The following CLPSL1 variants were observed in gnomAD, a reference collection of about 807,000 sequenced individuals.
The protein encoded by CLPSL1 is colipase like 1, also known as colipase-like protein 1.
A neutral mutation model predicts 9.3 loss-of-function variants in CLPSL1; 13 were observed. That is an observed-to-expected ratio of 1.40 (90% CI 0.91 to 2.22). The LOEUF is 2.22. Ranked by LOEUF, CLPSL1 falls within the 30% of genes most tolerant of loss-of-function variation. CLPSL1 has a pLI of 0.00. For missense variants in CLPSL1, 164 were observed against 146.6 expected (o/e 1.12, Z -0.61); for synonymous variants, 58 against 56.9 (o/e 1.02, Z -0.08).
downstream of CLPSL1, among the ~76,000 whole-genome samples, chr6:35,790,492 G>A (rs965737000): frequency 6.6e-5 from 10 of 152,370 alleles, no homozygotes; most frequent in East Asian, 1.9e-3. Flanking sequence ...AGAAATGACC[G>A]ATTTTTATTC....
chr6:35,793,040 C>G (rs914637639), downstream of CLPSL1, among the ~76,000 whole-genome samples: 1 of 152,276 alleles, frequency 6.6e-6, no homozygotes, highest in Non-Finnish European at 1.5e-5. Flanking sequence ...GCTTTCCCAG[C>G]GTCCCTTGCA....
chr6:35,792,756 A>G (rs1273060981), downstream of CLPSL1, among the ~76,000 whole-genome samples: 1 of 152,288 alleles, frequency 6.6e-6, no homozygotes, highest in African/African-American at 2.4e-5. Flanking sequence ...TGCCAGGCAC[A>G]CTGTGGTCAT....
downstream of CLPSL1, among the ~76,000 whole-genome samples, chr6:35,792,915 G>A (rs1768247857): frequency 6.6e-6 from 1 of 152,268 alleles, no homozygotes; most frequent in Non-Finnish European, 1.5e-5. Context: ...TTCATATGTG[G>A]CAGACACCAT....
intron 1 of CLPSL1, among the ~76,000 whole-genome samples, chr6:35,781,936 G>A (rs947511820): frequency 7.9e-5 from 12 of 151,900 alleles, no homozygotes; most frequent in African/African-American, 2.4e-4. Context: ...ATTTTTAGTA[G>A]AGACAGGGTT....
intron 1 of CLPSL1, 53 bp from the exon 2 acceptor site, chr6:35,786,945 C>T (rs888329985): frequency 3.6e-5 from 55 of 1,542,216 alleles, no homozygotes; most frequent in Non-Finnish European, 4.6e-5. Context: ...GGCGGGGCGG[C>T]GAGGGCGGAA....
chr6:35,783,669 G>C (rs990488727), intron 1 of CLPSL1, among the ~76,000 whole-genome samples: 9 of 151,866 alleles, frequency 5.9e-5, no homozygotes, highest in East Asian at 3.9e-4. Flanking sequence ...TTAGCTGTGC[G>C]TGGTGGCGGG....
rs544770925 is a variant in CLPSL1, at chr6:35,788,017, C to G, written c.*7C>G. ...TAAGAAAATGTTCTTCTAGTGCTCC[C>G]TCCTTCTTGCTGCCTCCTCCTCCTC... On this transcript the variant is annotated 3_prime_UTR_variant, in exon 3 of 3. Transcript: ENST00000373861. 2.5e-6 allele frequency: 4 copies of G among 1,604,780 alleles called. No homozygotes were observed. The highest frequency in any genetic ancestry group is 1.3e-5 in the African/African-American group (1 of 74,668).
chr6:35,782,634 C>G (rs1354030148), intron 1 of CLPSL1, among the ~76,000 whole-genome samples: 2 of 152,190 alleles, frequency 1.3e-5, no homozygotes, highest in Non-Finnish European at 1.5e-5. Context: ...AGAGGGCCAG[C>G]AAGCGCAAAT....
At chr6:35,793,425 CAAAA>C (rs10642987) in intron 1 of CLPSL1, 44 of 412,640 alleles carry the variant, frequency 1.1e-4, no homozygotes, top group Non-Finnish European at 1.3e-4. Context: ...AACTCTGTCT[CAAAA>C]AAAAAAAAAA....
chr6:35,785,558 A>G (rs1022783817), intron 1 of CLPSL1, among the ~76,000 whole-genome samples: 1 of 151,994 alleles, frequency 6.6e-6, no homozygotes, highest in Non-Finnish European at 1.5e-5. Flanking sequence ...CTGAGATTTT[A>G]TTGGAAGCCC....
downstream of CLPSL1, among the ~76,000 whole-genome samples, chr6:35,791,705 C>T (rs1054394088): frequency 6.6e-5 from 10 of 151,904 alleles, no homozygotes; most frequent in Non-Finnish European, 1.3e-4. Context: ...TTGAGGTGGG[C>T]GGATTGCTTG....
intron 1 of CLPSL1, among the ~76,000 whole-genome samples, chr6:35,786,284 G>C (rs766824878): frequency 1.6e-4 from 24 of 152,186 alleles, no homozygotes; most frequent in Non-Finnish European, 3.2e-4. Context: ...TTTAAATTCA[G>C]CTCCTCAGTT....
At chr6:35,786,763 A>G (rs1298398151) in intron 1 of CLPSL1, among the ~76,000 whole-genome samples, 1 of 152,266 alleles carries the variant, frequency 6.6e-6, no homozygotes, top group African/African-American at 2.4e-5. Context: ...GAAGCAGCCT[A>G]TGTTGAGGAC....
chr6:35,781,213 A>T lies in CLPSL1; in HGVS notation c.99+4A>T, dbSNP rs1460121193. On this transcript the variant is annotated splice_donor_region_variant and intron_variant, in intron 1 of 2. Coordinates refer to ENST00000373861, the MANE Select transcript of CLPSL1 (RefSeq NM_001010886.5). ...TCCAACAAAATACAACCTTTTGGTA[A>T]GAAAGCTGGAGAGTGCAGTCACCTC... 1.2e-6 allele frequency: 2 copies of T among 1,613,072 alleles called. No homozygotes were observed. Among genetic ancestry groups the T allele is most frequent in the African/African-American group, 2.7e-5 (2 of 74,900 alleles).
intron 1 of CLPSL1, 143 bp downstream of exon 1, chr6:35,781,352 G>A (rs954900258): frequency 1.9e-5 from 25 of 1,301,616 alleles, no homozygotes; most frequent in Admixed American, 2.9e-5. Context: ...AAGATGTCTC[G>A]GAGGAAAGAG....
intron 1 of CLPSL1, among the ~76,000 whole-genome samples, chr6:35,784,903 C>G (rs1461846826): frequency 6.6e-6 from 1 of 152,164 alleles, no homozygotes; most frequent in Non-Finnish European, 1.5e-5. Context: ...AGCTTTAGAG[C>G]AGGAAAGAAT....
chr6:35,787,033 C>A lies in CLPSL1; in HGVS notation c.135C>A (p.Cys45Ter). 1 of 1,594,244 alleles carries A rather than the reference C, an allele frequency of 6.3e-7. No individual in the cohort carries two copies. Among genetic ancestry groups the A allele is most frequent in the Non-Finnish European group, 8.5e-7 (1 of 1,172,294 alleles). Residue 45 changes from cysteine to a stop codon, truncating the protein, a stop_gained, in exon 2 of 3, where the codon TGC becomes TGA. Coordinates refer to ENST00000373861, the MANE Select transcript of CLPSL1 (RefSeq NM_001010886.5). LOFTEE classifies it high-confidence loss of function. The stretch of plus-strand genomic sequence containing the variant: ...AGTCTTGCATCCGGAACCAGGACTG[C>A]GAGACTGGCTGCTGCCAACGTGCTC... Reference protein sequence around the residue: ...LKESCIRNQDCETGCCQRAPD... With the variant: ...LKESCIRNQD
downstream of CLPSL1, among the ~76,000 whole-genome samples, chr6:35,789,901 A>AAT (rs1240183222): frequency 6.6e-6 from 1 of 152,122 alleles, no homozygotes; most frequent in Non-Finnish European, 1.5e-5. Context: ...CTCAAAAAAA[A>AAT]AAATTAATTT....
At chr6:35,782,093 C>T (rs1767977874) in intron 1 of CLPSL1, among the ~76,000 whole-genome samples, 1 of 152,084 alleles carries the variant, frequency 6.6e-6, no homozygotes, top group Non-Finnish European at 1.5e-5. Flanking sequence ...GAAGAGTTTA[C>T]TAAGAATGTG....
Sources: gnomAD v4.1 joint callset for allele counts (sites outside exome capture counted in the v4.1 genomes callset) on GRCh38, gnomAD v4.1.1 for gene constraint, MANE v1.5 for transcripts, NCBI Gene and HGNC (gene_info 2026-07-23, HGNC 2026-07-21) for gene names.